Variants in TMEM270 observed in about 807,000 individuals in gnomAD.
TMEM270 encodes Williams-Beuren syndrome chromosome region 28.
In TMEM270, 30 loss-of-function variants were observed where a neutral mutation model predicts 29.9. The ratio of observed to expected loss-of-function variants is 1.00; its 90% CI spans 0.75 to 1.36. TMEM270 has a LOEUF of 1.36. Ranked by LOEUF, TMEM270 falls within the 40% of genes most tolerant of loss-of-function variation. The probability of loss-of-function intolerance (pLI) is 0.00; values close to 1 mark genes in which losing one functional copy is unlikely to be tolerated. For missense variants in TMEM270, 313 were observed against 307.1 expected, an observed-to-expected ratio of 1.02 and a Z score of -0.14; for synonymous variants, 135 against 139.8, an observed-to-expected ratio of 0.97 and a Z score of 0.24.
chr7:73,861,339 C>A, intron 1 of TMEM270, 73 bp downstream of exon 1: 2 of 1,441,608 alleles, frequency 1.4e-6, no homozygotes, highest in Non-Finnish European at 1.9e-6. Context: ...TCAGAGCTGC[C>A]GGGCCCAAGC....
At chr7:73,861,111 C>A (rs952668076), upstream of TMEM270, 2 of 1,398,566 alleles carry the variant, frequency 1.4e-6, no homozygotes, top group Non-Finnish European at 2.0e-6. Flanking sequence ...GCAACCGGGT[C>A]CCCATGGTAA....
Position 73,864,991 on chromosome 7 carries a change from A to G in TMEM270, c.73-2A>G. 3 of 1,474,048 alleles carry G rather than the reference A, an allele frequency of 2.0e-6. No individual in the cohort carries two copies. Among genetic ancestry groups the G allele is most frequent in the Non-Finnish European group, 2.7e-6 (3 of 1,109,730 alleles). The allele number at this position is 1,474,048 out of a possible 1,614,324, so 91.3% of individuals were successfully genotyped here. A position where few individuals can be genotyped will look rare whatever the true frequency, so the allele number is the denominator to read the frequency against. Reference sequence around the variant, plus strand: ...CGGTTGTCTCTCTCTCTTCTTCTGCAGTTGGTTCAGAACCGAGATCACCTC... The same window carrying G: ...CGGTTGTCTCTCTCTCTTCTTCTGCGGTTGGTTCAGAACCGAGATCACCTC... On this transcript the variant is annotated splice_acceptor_variant, in intron 1 of 2. Coordinates refer to ENST00000320531, the MANE Select transcript of TMEM270 (RefSeq NM_182504.4). LOFTEE classifies it high-confidence loss of function.
chr7:73,865,412 G>A lies in TMEM270; in HGVS notation c.492G>A (p.Gln164=). 1.9e-6 allele frequency: 3 copies of A among 1,609,830 alleles called. No individual in the cohort carries two copies. Among genetic ancestry groups the A allele is most frequent in the South Asian group, 1.1e-5 (1 of 90,556 alleles). The change falls in exon 2 of 3, where the codon CAG becomes CAA. Residue 164 remains glutamine, a synonymous_variant. Coordinates refer to ENST00000320531, the MANE Select transcript of TMEM270 (RefSeq NM_182504.4). ...CCCACTGCTTCCGACTGGGCAGGCA[G>A]CTCAGTAAGGTGGGTGGTCTCGGGG... is the stretch of plus-strand genomic sequence containing the variant. ...QKSHCFRLGR[Q]LSKALQVNCV... is the part of the protein sequence containing the mutation.
rs1788878808 is a variant in TMEM270, at chr7:73,865,262, C to T, written c.342C>T (p.Leu114=). The T allele has an allele frequency of 6.2e-7, 1 of 1,613,424 alleles. No individual in the cohort carries two copies. The highest frequency in any genetic ancestry group is 8.5e-7 in the Non-Finnish European group (1 of 1,180,048). Residue 114 remains leucine, a synonymous_variant, in exon 2 of 3, where the codon CTC becomes CTT. Transcript: ENST00000320531. ...GSTKGLGLAL[L]SAWEQLGLSV... The stretch of plus-strand genomic sequence containing the variant: ...CCAAGGGCCTGGGCCTGGCCTTGCT[C>T]AGTGCCTGGGAGCAGCTGGGCCTGT...
intron 1 of TMEM270, among the ~76,000 whole-genome samples, chr7:73,862,800 C>T (rs1264965160): frequency 1.5e-5 from 2 of 129,216 alleles, no homozygotes; most frequent in Non-Finnish European, 3.1e-5. Context: ...GCGGAGGTTG[C>T]GGTGAGCCGA....
At position 73,865,294 on chromosome 7, in the gene TMEM270, C is replaced by T; in HGVS notation, c.374C>T (p.Ala125Val). 6.2e-7 allele frequency: 1 copy of T among 1,613,356 alleles called. No homozygotes were observed. The highest frequency in any genetic ancestry group is 2.2e-5 in the East Asian group (1 of 44,886). ...TGGGAGCAGCTGGGCCTGTCTGTGG[C>T]CATCTGGACAGATCTGTTTTTGTCA... ...SAWEQLGLSV[A>V]IWTDLFLSCL... Residue 125 changes from alanine to valine, a missense_variant, in exon 2 of 3, where the codon GCC becomes GTC. By Grantham distance (64) the Ala-to-Val change is moderately conservative (BLOSUM62 0). Transcript: ENST00000320531.
chr7:73,865,764 A>G lies in TMEM270; in HGVS notation c.689A>G (p.Glu230Gly), dbSNP rs367879666. The change falls in exon 3 of 3, where the codon GAG becomes GGG. Residue 230 changes from glutamate (E) to glycine (G), a missense_variant. Glu to Gly is a moderately conservative substitution (Grantham distance 98, BLOSUM62 -2). Transcript: ENST00000320531. Reference sequence around the variant, plus strand: ...ACGACCCAGCTGGCCGAGGCCCAGGAGGTTGAACCCCAGGAGGTCTCAGGG... The same window carrying G: ...ACGACCCAGCTGGCCGAGGCCCAGGGGGTTGAACCCCAGGAGGTCTCAGGG... ...EHTTQLAEAQ[E>G]VEPQEVSGSS... 77 of 1,613,970 alleles carry G rather than the reference A, an allele frequency of 4.8e-5. No individual in the cohort carries two copies. The highest frequency in any genetic ancestry group is 5.8e-5 in the Non-Finnish European group (68 of 1,180,028).
chr7:73,861,096 TG>T, upstream of TMEM270: 1 of 1,215,184 alleles, frequency 8.2e-7, no homozygotes, highest in Non-Finnish European at 1.2e-6. Flanking sequence ...AGTGGGTCAC[TG>T]GCGGCAACCG....
Position 73,865,712 on chromosome 7 carries a change from C to G in TMEM270, c.637C>G (p.His213Asp). 6.2e-7 allele frequency: 1 copy of G among 1,614,136 alleles called. No individual in the cohort carries two copies. The highest frequency in any genetic ancestry group is 8.5e-7 in the Non-Finnish European group (1 of 1,179,996). The change falls in exon 3 of 3, where the codon CAC becomes GAC. Residue 213 changes from histidine to aspartate, a missense_variant. Transcript: ENST00000320531. ...CACCTGGACCACCTGCCTGGCCTCC[C>G]ACCTGCTGCAGGCTGCCTTTGAGCA... ...LITWTTCLAS[H>D]LLQAAFEHTT...
intron 2 of TMEM270, 48 bp from the exon 3 acceptor site, chr7:73,865,529 C>T: frequency 1.3e-6 from 2 of 1,595,066 alleles, no homozygotes; most frequent in South Asian, 2.3e-5. Flanking sequence ...AGCAGTGTAA[C>T]CCTATGAGCT....
At position 73,865,625 on chromosome 7, in the gene TMEM270, C is replaced by A. The variant is rs199703984; in HGVS notation, c.550C>A (p.Arg184Ser). Residue 184 changes from arginine to serine, a missense_variant, in exon 3 of 3, where the codon CGT becomes AGT. Coordinates refer to ENST00000320531, the MANE Select transcript of TMEM270 (RefSeq NM_182504.4). ...VVRKLLVQLR[R>S]LYWWVETMTA... ...AAGGAAGCTCCTGGTACAGCTGAGA[C>A]GTCTGTATTGGTGGGTGGAGACTAT... 3 of 1,614,140 alleles carry A rather than the reference C, an allele frequency of 1.9e-6. No homozygotes were observed. The East Asian group carries it at 6.7e-5, about 36-fold the overall frequency.
chr7:73,862,813 T>A (rs1788816280), intron 1 of TMEM270, among the ~76,000 whole-genome samples: 1 of 124,240 alleles, frequency 8.0e-6, no homozygotes, highest in Non-Finnish European at 1.6e-5. Context: ...TGAGCCGAGA[T>A]CCCACCATTG....
chr7:73,865,680 A>G lies in TMEM270; in HGVS notation c.605A>G (p.Tyr202Cys), dbSNP rs577308214. ...MTALTSWHLAYLITWTTCLAS... is the reference protein window; with the variant it reads ...MTALTSWHLACLITWTTCLAS... ...GCCCTCACCTCCTGGCACCTGGCCT[A>G]TCTCATCACCTGGACCACCTGCCTG... The change falls in exon 3 of 3, where the codon TAT (tyrosine) becomes TGT (cysteine). Residue 202 changes from tyrosine (Y) to cysteine (C), a missense_variant. By Grantham distance (194) the Tyr-to-Cys change is radical. Coordinates refer to ENST00000320531, the MANE Select transcript of TMEM270 (RefSeq NM_182504.4). 28 of 1,614,044 alleles carry G rather than the reference A, an allele frequency of 1.7e-5. No homozygotes were observed. Among genetic ancestry groups the G allele is most frequent in the African/African-American group, 6.7e-5 (5 of 75,014 alleles).
At position 73,865,043 on chromosome 7, in the gene TMEM270, C is replaced by A. The variant is rs1268301262; in HGVS notation, c.123C>A (p.Asn41Lys). The change falls in exon 2 of 3, where the codon AAC becomes AAA. Residue 41 changes from asparagine to lysine, a missense_variant. Transcript: ENST00000320531. Reference protein sequence around the residue: ...HLYNFLLLKINLFNHWVSGLA... With the variant: ...HLYNFLLLKIKLFNHWVSGLA... ...ATAATTTCCTGCTCCTCAAGATCAA[C>A]CTCTTCAACCACTGGGTGTCAGGGC... is the stretch of plus-strand genomic sequence containing the variant. 1.3e-6 allele frequency: 2 copies of A among 1,520,842 alleles called. No homozygotes were observed. Among genetic ancestry groups the A allele is most frequent in the Non-Finnish European group, 1.8e-6 (2 of 1,135,032 alleles). The allele number at this position is 1,520,842 out of a possible 1,614,324, so 94.2% of individuals were successfully genotyped here. A position where few individuals can be genotyped will look rare whatever the true frequency, so the allele number is the denominator to read the frequency against.
chr7:73,864,174 C>G (rs1246760972), intron 1 of TMEM270, among the ~76,000 whole-genome samples: 3 of 146,662 alleles, frequency 2.0e-5, no homozygotes, highest in Non-Finnish European at 3.0e-5. Context: ...ATAGCTCCAG[C>G]TACTTGGGAG....
intron 1 of TMEM270, among the ~76,000 whole-genome samples, chr7:73,863,102 C>G (rs532408415): frequency 6.6e-5 from 10 of 152,080 alleles, no homozygotes; most frequent in African/African-American, 2.2e-4. Context: ...CCTGCTGGAC[C>G]CTTTGGTCTC....
At chr7:73,863,288 C>T (rs1047247871) in intron 1 of TMEM270, among the ~76,000 whole-genome samples, 1 of 152,092 alleles carries the variant, frequency 6.6e-6, no homozygotes, top group South Asian at 2.1e-4. Flanking sequence ...GTCTCCAGGA[C>T]TCAAGAACAG....
chr7:73,865,395 T>C lies in TMEM270; in HGVS notation c.475T>C (p.Phe159Leu), dbSNP rs1301964170. 2.5e-6 allele frequency: 4 copies of C among 1,612,568 alleles called. No individual in the cohort carries two copies. The highest frequency in any genetic ancestry group is 3.4e-6 in the Non-Finnish European group (4 of 1,179,254). ...TWRVCQKSHCFRLGRQLSKAL... is the reference protein window; with the variant it reads ...TWRVCQKSHCLRLGRQLSKAL... ...GAGGGTGTGTCAGAAGTCCCACTGC[T>C]TCCGACTGGGCAGGCAGCTCAGTAA... The change falls in exon 2 of 3, where the codon TTC becomes CTC. Residue 159 changes from phenylalanine (F) to leucine (L), a missense_variant. Transcript: ENST00000320531.
chr7:73,860,871 T>A (rs1554639122), upstream of TMEM270, among the ~76,000 whole-genome samples: 1 of 152,132 alleles, frequency 6.6e-6, no homozygotes, highest in East Asian at 1.9e-4. Flanking sequence ...GGTCTCAAAC[T>A]CCTGGCCTCA....
Sources: gnomAD v4.1 joint callset for allele counts (sites outside exome capture counted in the v4.1 genomes callset) on GRCh38, gnomAD v4.1.1 for gene constraint, MANE v1.5 for transcripts, NCBI Gene and HGNC (gene_info 2026-07-23, HGNC 2026-07-21) for gene names.